L3MBTL3: variants seen among roughly 807,000 people sequenced by gnomAD.
L3MBTL3 encodes lethal(3)malignant brain tumor-like protein 3.
L3MBTL3 carries 27 observed loss-of-function variants against 102.3 expected under a neutral mutation model. The ratio of observed to expected loss-of-function variants is 0.26; its 90% CI spans 0.19 to 0.36. The LOEUF is 0.36. Ranked by LOEUF, L3MBTL3 falls within the 10% of genes least tolerant of loss-of-function variation. The pLI is 1.00. For synonymous variants in L3MBTL3, 340 were observed against 320.9 expected (o/e 1.06, Z -0.64); for missense variants, 798 against 955.3 (o/e 0.84, Z 2.17).
At chr6:130,129,533 T>C (rs929693801) in intron 20 of L3MBTL3, among the ~76,000 whole-genome samples, 1 of 152,172 alleles carries the variant, frequency 6.6e-6, no homozygotes, top group Non-Finnish European at 1.5e-5. Flanking sequence ...TTATTCGCAG[T>C]CAGCCTAAAA....
At chr6:130,078,385 T>A (rs565832085) in intron 13 of L3MBTL3, among the ~76,000 whole-genome samples, 173 bp from the exon 14 acceptor site, 2 of 152,176 alleles carry the variant, frequency 1.3e-5, no homozygotes, top group African/African-American at 4.8e-5. Flanking sequence ...AAAATCCACT[T>A]GGTATTAATA....
intron 4 of L3MBTL3, 74 bp downstream of exon 4, chr6:130,049,467 T>C: frequency 5.8e-6 from 6 of 1,042,670 alleles, no homozygotes; most frequent in Non-Finnish European, 8.4e-6. Context: ...AGTTTTATAA[T>C]AGGCTGGAAC....
intron 2 of L3MBTL3, among the ~76,000 whole-genome samples, chr6:130,034,851 T>C (rs1455147496): frequency 6.6e-6 from 1 of 152,232 alleles, no homozygotes; most frequent in Non-Finnish European, 1.5e-5. Context: ...ACTTCAGGTG[T>C]CACTCAGGAA....
At chr6:130,066,033 G>T (rs1215256442) in intron 10 of L3MBTL3, among the ~76,000 whole-genome samples, 1 of 152,044 alleles carries the variant, frequency 6.6e-6, no homozygotes, top group Non-Finnish European at 1.5e-5. Flanking sequence ...AGCTTACCCT[G>T]GGGACACATC....
chr6:130,046,294 A>C (rs1294760143), intron 3 of L3MBTL3, among the ~76,000 whole-genome samples: 1 of 152,188 alleles, frequency 6.6e-6, no homozygotes, highest in African/African-American at 2.4e-5. Context: ...CCGCACTCTT[A>C]ATACACGGTT....
At chr6:130,117,741 C>A (rs150187121) in intron 19 of L3MBTL3, among the ~76,000 whole-genome samples, 1 of 151,912 alleles carries the variant, frequency 6.6e-6, no homozygotes, top group Non-Finnish European at 1.5e-5. Context: ...ACTTTGTCAC[C>A]GAGGCTGAAG....
At chr6:130,136,420 G>A (rs980300810) in intron 22 of L3MBTL3, among the ~76,000 whole-genome samples, 1 of 152,080 alleles carries the variant, frequency 6.6e-6, no homozygotes, top group Non-Finnish European at 1.5e-5. Context: ...GATTGTCCAG[G>A]CTTGCTCCCG....
intron 2 of L3MBTL3, among the ~76,000 whole-genome samples, chr6:130,041,878 T>TA (rs1780440459): frequency 6.6e-6 from 1 of 152,208 alleles, no homozygotes; most frequent in African/African-American, 2.4e-5. Flanking sequence ...CACCACAGTC[T>TA]GAAGCTAGAC....
At chr6:130,057,342 A>G in intron 8 of L3MBTL3, 64 bp from the exon 9 acceptor site, 1 of 1,277,284 alleles carries the variant, frequency 7.8e-7, no homozygotes, top group Non-Finnish European at 1.1e-6. Flanking sequence ...GTGTGAGTTC[A>G]CAGATGCATC....
intron 18 of L3MBTL3, among the ~76,000 whole-genome samples, chr6:130,096,203 T>C (rs953862358): frequency 1.3e-5 from 2 of 152,166 alleles, no homozygotes; most frequent in Non-Finnish European, 1.5e-5. Flanking sequence ...GGAACTCTGC[T>C]CTGGACCACT....
chr6:130,030,599 G>A (rs755063917), intron 2 of L3MBTL3, among the ~76,000 whole-genome samples: 6 of 149,838 alleles, frequency 4.0e-5, no homozygotes, highest in Admixed American at 6.6e-5. Flanking sequence ...CCTGGGAGGC[G>A]GAGCTTGCAG....
intron 14 of L3MBTL3, among the ~76,000 whole-genome samples, chr6:130,081,584 A>G (rs56393178): frequency 1.4e-5 from 2 of 145,166 alleles, no homozygotes; most frequent in Admixed American, 6.9e-5. Context: ...ACACCTGGCT[A>G]TTTTTTTTTT....
At chr6:130,021,155 G>C (rs896010284) in intron 1 of L3MBTL3, among the ~76,000 whole-genome samples, 1 of 152,178 alleles carries the variant, frequency 6.6e-6, no homozygotes, top group Non-Finnish European at 1.5e-5. Context: ...CGAGTAGAGA[G>C]CATTTCTCCG....
intron 19 of L3MBTL3, among the ~76,000 whole-genome samples, chr6:130,111,868 T>G (rs760345995): frequency 6.6e-6 from 1 of 152,162 alleles, no homozygotes; most frequent in Non-Finnish European, 1.5e-5. Context: ...CTCAATGACT[T>G]CCCGTTATTC....
At chr6:130,108,965 T>G (rs969052666) in intron 19 of L3MBTL3, among the ~76,000 whole-genome samples, 3 of 152,176 alleles carry the variant, frequency 2.0e-5, no homozygotes, top group African/African-American at 7.2e-5. Context: ...TGTTTGGTTT[T>G]CTGTTCCTTT....
rs368089535 is a variant in L3MBTL3 at position 130,090,513 on chromosome 6, A to G, written c.1519-2232A>G. 7.9e-5 allele frequency among the ~76,000 whole-genome samples: 12 copies of G among 152,322 alleles called. No homozygotes were observed. The East Asian group carries it at 2.3e-3, about 29-fold the overall frequency. On this transcript the variant is annotated intron_variant, in intron 16 of 22. Transcript: ENST00000361794. Reference sequence around the variant, plus strand: ...AACATTTTTAACAGGCCAATAGGAGAAGAATTGTATCTTGTGATTTTAATT... The same window carrying G: ...AACATTTTTAACAGGCCAATAGGAGGAGAATTGTATCTTGTGATTTTAATT...
chr6:130,114,331 C>T (rs748035077), intron 19 of L3MBTL3, among the ~76,000 whole-genome samples: 1 of 152,186 alleles, frequency 6.6e-6, no homozygotes, highest in Non-Finnish European at 1.5e-5. Context: ...CAGGATCTTA[C>T]TCTATCTCCT....
At chr6:130,102,942 CAG>C (rs1330812190) in intron 18 of L3MBTL3, among the ~76,000 whole-genome samples, 2 of 152,308 alleles carry the variant, frequency 1.3e-5, no homozygotes, top group East Asian at 3.9e-4. Context: ...TCCGTGAAAC[CAG>C]AGAGCTGCTT....
chr6:130,124,911 A>C (rs1423657356), intron 20 of L3MBTL3, among the ~76,000 whole-genome samples: 1 of 152,096 alleles, frequency 6.6e-6, no homozygotes, highest in Non-Finnish European at 1.5e-5. Context: ...TGGAGGTTGC[A>C]GTGAGCTGAG....
Sources: allele counts gnomAD v4.1 joint callset (sites outside exome capture counted in the v4.1 genomes callset), GRCh38; gene constraint gnomAD v4.1.1; transcripts MANE v1.5; gene names NCBI Gene and HGNC (gene_info 2026-07-23, HGNC 2026-07-21).